Variants in BRD10 observed in about 807,000 individuals in gnomAD.
The protein encoded by BRD10 is bromodomain containing 10.
the BRD10 span, chr9:5,988,524 CGTT>C: frequency 6.2e-7 from 1 of 1,613,630 alleles, no homozygotes; most frequent in Non-Finnish European, 8.5e-7. Context: ...TAACTGCTAT[CGTT>C]GTCTTTTCTC....
chr9:5,892,482 G>C, the BRD10 span: 2 of 1,613,528 alleles, frequency 1.2e-6, no homozygotes, highest in African/African-American at 1.3e-5. Flanking sequence ...AAGATGCCAA[G>C]AGAAGATGCT....
At chr9:5,991,884 A>G in the BRD10 span, among the ~76,000 whole-genome samples, 2 of 152,042 alleles carry the variant, frequency 1.3e-5, no homozygotes, top group Non-Finnish European at 2.9e-5. Flanking sequence ...TGCCATTCTG[A>G]CCTTAGCTCT....
At chr9:5,980,301 T>C in the BRD10 span, among the ~76,000 whole-genome samples, 1 of 152,170 alleles carries the variant, frequency 6.6e-6, no homozygotes, top group East Asian at 1.9e-4. Flanking sequence ...TGTTGTCCTA[T>C]CAGCATTTTC....
chr9:5,985,558 G>T, the BRD10 span, among the ~76,000 whole-genome samples: 1 of 152,150 alleles, frequency 6.6e-6, no homozygotes, highest in Admixed American at 6.6e-5. Context: ...GGCCGAGGTG[G>T]GCAGATCACC....
the BRD10 span, among the ~76,000 whole-genome samples, chr9:5,997,458 G>C: frequency 1.3e-5 from 2 of 149,856 alleles, no homozygotes; most frequent in Non-Finnish European, 3.0e-5. Flanking sequence ...TTTTGACAGA[G>C]GACTCACTCT....
the BRD10 span, among the ~76,000 whole-genome samples, chr9:5,883,826 C>A: frequency 6.6e-6 from 1 of 152,026 alleles, no homozygotes; most frequent in Non-Finnish European, 1.5e-5. Context: ...TTTGGGGACA[C>A]CTTCATAACC....
At chr9:5,988,962 G>C in the BRD10 span, among the ~76,000 whole-genome samples, 1 of 152,146 alleles carries the variant, frequency 6.6e-6, no homozygotes, top group Non-Finnish European at 1.5e-5. Flanking sequence ...CGGGTGCAGT[G>C]GCTCATGCCT....
the BRD10 span, chr9:5,897,549 T>C: frequency 1.1e-5 from 18 of 1,613,382 alleles, no homozygotes; most frequent in African/African-American, 2.4e-4. Context: ...GTCTATCTCT[T>C]GGGCCAGGGC....
At chr9:5,931,746 T>A in the BRD10 span, among the ~76,000 whole-genome samples, 4 of 152,176 alleles carry the variant, frequency 2.6e-5, no homozygotes, top group African/African-American at 7.2e-5. Flanking sequence ...TAGAAAAGAC[T>A]GATAAAATGC....
the BRD10 span, among the ~76,000 whole-genome samples, chr9:5,982,806 G>C: frequency 1.7e-4 from 26 of 152,192 alleles, no homozygotes; most frequent in African/African-American, 5.8e-4. Context: ...CGGGATCAGG[G>C]AGTCCAGTGG....
chr9:5,883,985 G>C, the BRD10 span, among the ~76,000 whole-genome samples: 1 of 152,196 alleles, frequency 6.6e-6, no homozygotes, highest in Non-Finnish European at 1.5e-5. Context: ...CAGATAAAGA[G>C]ACTGATGTTG....
the BRD10 span, chr9:5,921,990 CA>C: frequency 6.2e-7 from 1 of 1,613,930 alleles, no homozygotes; most frequent in Non-Finnish European, 8.5e-7. Flanking sequence ...GTTCCAGCTA[CA>C]GGTGAAAAAG....
the BRD10 span, among the ~76,000 whole-genome samples, chr9:5,908,295 G>C: frequency 3.9e-5 from 6 of 152,110 alleles, no homozygotes; most frequent in African/African-American, 1.2e-4. Flanking sequence ...CAATTACAAC[G>C]ATCTCTGTGG....
chr9:6,007,684 G>A, the BRD10 span: 2 of 1,608,918 alleles, frequency 1.2e-6, no homozygotes, highest in Non-Finnish European at 8.5e-7. Flanking sequence ...GGTCTGGGCC[G>A]CCGCTGCCAC....
the BRD10 span, among the ~76,000 whole-genome samples, chr9:5,985,120 C>T: frequency 6.6e-6 from 1 of 152,124 alleles, no homozygotes; most frequent in Non-Finnish European, 1.5e-5. Flanking sequence ...CGTTCAATTG[C>T]TTTTCAACAA....
At chr9:5,885,463 C>T in the BRD10 span, among the ~76,000 whole-genome samples, 1 of 152,076 alleles carries the variant, frequency 6.6e-6, no homozygotes, top group Admixed American at 6.6e-5. Context: ...CTCCACTTCC[C>T]AGGTTGAAGT....
chr9:5,949,391 A>T, the BRD10 span, among the ~76,000 whole-genome samples: 1 of 151,998 alleles, frequency 6.6e-6, no homozygotes, highest in Non-Finnish European at 1.5e-5. Context: ...AACAACAACA[A>T]CAACAAAACC....
At chr9:5,989,286 G>T in the BRD10 span, among the ~76,000 whole-genome samples, 5 of 143,590 alleles carry the variant, frequency 3.5e-5, no homozygotes, top group Non-Finnish European at 6.1e-5. Context: ...CAGGCATGGT[G>T]GTGAGCACCT....
chr9:5,957,421 T>C, the BRD10 span, among the ~76,000 whole-genome samples: 4 of 152,164 alleles, frequency 2.6e-5, no homozygotes, highest in African/African-American at 4.8e-5. Flanking sequence ...TACTGCGCAT[T>C]TGTTATTCTA....
Sources: gnomAD v4.1 joint callset for allele counts (sites outside exome capture counted in the v4.1 genomes callset) on GRCh38, gnomAD v4.1.1 for gene constraint, MANE v1.5 for transcripts, NCBI Gene and HGNC (gene_info 2026-07-23, HGNC 2026-07-21) for gene names.